ADCY2: variants seen among roughly 807,000 people sequenced by gnomAD.
The protein encoded by ADCY2 is adenylate cyclase type 2.
A neutral mutation model predicts 125.2 loss-of-function variants in ADCY2; 31 were observed. The ratio of observed to expected loss-of-function variants is 0.25; its 90% CI spans 0.19 to 0.33. ADCY2 has a LOEUF of 0.33. ADCY2 is among the 10% of genes least tolerant of loss of function. The probability of loss-of-function intolerance (pLI) is 1.00; values close to 1 mark genes in which losing one functional copy is unlikely to be tolerated. For missense variants in ADCY2, 904 were observed against 1,418.2 expected, an observed-to-expected ratio of 0.64 and a Z score of 5.82; for synonymous variants, 512 against 548.4, an observed-to-expected ratio of 0.93 and a Z score of 0.93.
intron 15 of ADCY2, 129 bp from the exon 16 acceptor site, chr5:7,757,319 AG>A: frequency 8.5e-7 from 1 of 1,174,814 alleles, no homozygotes; most frequent in Admixed American, 2.3e-5. Flanking sequence ...TCCCCAGGGG[AG>A]GATAGAATCT....
chr5:7,743,828 C>A, intron 15 of ADCY2, 76 bp downstream of exon 15: 1 of 1,416,082 alleles, frequency 7.1e-7, no homozygotes, highest in Non-Finnish European at 9.9e-7. Flanking sequence ...TAAAACTTTC[C>A]AAAACAAGGA....
At chr5:7,497,564 G>T (rs1315992262) in intron 2 of ADCY2, among the ~76,000 whole-genome samples, 1 of 151,934 alleles carries the variant, frequency 6.6e-6, no homozygotes, top group Non-Finnish European at 1.5e-5. Context: ...CATCAATAAG[G>T]AGAGCAAATG....
intron 3 of ADCY2, among the ~76,000 whole-genome samples, chr5:7,589,234 A>T (rs66623206): frequency 0.31 from 46,436 of 151,722 alleles, 7,235 homozygotes; most frequent in East Asian, 0.44. Context: ...CTGATTTTTT[A>T]AAGACTTTAG....
chr5:7,731,238 T>G (rs1742094480), intron 14 of ADCY2, among the ~76,000 whole-genome samples: 2 of 151,578 alleles, frequency 1.3e-5, no homozygotes, highest in African/African-American at 4.9e-5. Context: ...GAATTTTGTT[T>G]TGTTTTCCTT....
chr5:7,454,505 A>T (rs1403372463), intron 2 of ADCY2, among the ~76,000 whole-genome samples: 1 of 152,202 alleles, frequency 6.6e-6, no homozygotes, highest in Non-Finnish European at 1.5e-5. Context: ...AGATAAATTT[A>T]TCCTTGATTC....
At position 7,516,470 on chromosome 5, in the gene ADCY2, G is replaced by A. The variant is rs574043267; in HGVS notation, c.409-4268G>A. 2.6e-5 allele frequency among the ~76,000 whole-genome samples: 4 copies of A among 152,282 alleles called. No homozygotes were observed. The South Asian group carries it at 6.2e-4, about 24-fold the overall frequency. On this transcript the variant is annotated intron_variant, in intron 2 of 24. Transcript: ENST00000338316. ...TCACCACTCACATGAACACAGGTTT[G>A]TGTGGGTCAGCTGAGAGACTGTGCT...
intron 17 of ADCY2, among the ~76,000 whole-genome samples, chr5:7,769,607 C>G (rs1226275475): frequency 6.6e-6 from 1 of 152,094 alleles, no homozygotes; most frequent in Non-Finnish European, 1.5e-5. Flanking sequence ...TATTATTTCT[C>G]TAGTGGGAAA....
chr5:7,438,534 A>T (rs1740893454), intron 2 of ADCY2, among the ~76,000 whole-genome samples: 1 of 152,176 alleles, frequency 6.6e-6, no homozygotes, highest in Admixed American at 6.5e-5. Flanking sequence ...TCTACTATAA[A>T]GAGAGGGACT....
At position 7,743,955 on chromosome 5, in the gene ADCY2, T is replaced by C. The variant is rs115247322; in HGVS notation, c.1956+203T>C. 6.8e-3 allele frequency among the ~76,000 whole-genome samples: 1,042 copies of C among 152,300 alleles called. 5 individuals carry two copies. Among genetic ancestry groups the C allele is most frequent in the Non-Finnish European group, 0.011 (730 of 68,022 alleles). ...CTCATGCACAACCAAGACACGAATA[T>C]GAAGATGATTCAAAACGTTCGATGT... On this transcript the variant is annotated intron_variant, in intron 15 of 24. Transcript: ENST00000338316.
At chr5:7,613,969 AC>A (rs1737663460) in intron 3 of ADCY2, among the ~76,000 whole-genome samples, 1 of 152,254 alleles carries the variant, frequency 6.6e-6, no homozygotes, top group Non-Finnish European at 1.5e-5. Flanking sequence ...TTATGTGTAG[AC>A]AGAAGAGAAC....
chr5:7,733,098 G>A (rs1007999582), intron 14 of ADCY2, among the ~76,000 whole-genome samples: 1 of 152,102 alleles, frequency 6.6e-6, no homozygotes, highest in African/African-American at 2.4e-5. Flanking sequence ...AGTCATGAGG[G>A]CAATTGTTAA....
At chr5:7,532,157 C>T (rs1229894282) in intron 3 of ADCY2, among the ~76,000 whole-genome samples, 1 of 152,160 alleles carries the variant, frequency 6.6e-6, no homozygotes, top group African/African-American at 2.4e-5. Flanking sequence ...AACTATCATC[C>T]ATAGAGCAAA....
intron 22 of ADCY2, among the ~76,000 whole-genome samples, chr5:7,808,636 C>A (rs1744832610): frequency 6.6e-6 from 1 of 152,206 alleles, no homozygotes; most frequent in Admixed American, 6.5e-5. Context: ...CTGGGTGTAT[C>A]TGTCTGTCCA....
At chr5:7,494,626 C>T (rs1743282625) in intron 2 of ADCY2, among the ~76,000 whole-genome samples, 1 of 152,038 alleles carries the variant, frequency 6.6e-6, no homozygotes. Context: ...GGTGGGGGCT[C>T]AAGGCTAGTG....
chr5:7,757,541 G>A lies in ADCY2; in HGVS notation c.2049G>A (p.Thr683=), dbSNP rs535110709. ...GCCCCTGGCCACGGATCTCTCTCAC[G>A]ATCATCACCACAGCCATCATATTAA... The part of the protein sequence containing the change: ...ANRPWPRISL[T]IITTAIILMM... The change falls in exon 16 of 25, where the codon ACG becomes ACA. Residue 683 remains threonine, a synonymous_variant. Transcript: ENST00000338316. The A allele has an allele frequency of 1.9e-5, 30 of 1,607,690 alleles. No individual in the cohort carries two copies. The highest frequency in any genetic ancestry group is 2.3e-5 in the Non-Finnish European group (27 of 1,178,398).
chr5:7,398,102 G>C (rs868459324), intron 1 of ADCY2, among the ~76,000 whole-genome samples: 25 of 152,122 alleles, frequency 1.6e-4, no homozygotes, highest in African/African-American at 6.0e-4. Context: ...GTTCTGCTGG[G>C]GCATTTCAGC....
intron 2 of ADCY2, among the ~76,000 whole-genome samples, chr5:7,463,126 T>A (rs1741972301): frequency 6.6e-6 from 1 of 152,228 alleles, no homozygotes; most frequent in African/African-American, 2.4e-5. Context: ...CTTAAAAAAA[T>A]TGTTTGAATA....
At chr5:7,575,289 T>C (rs924265613) in intron 3 of ADCY2, among the ~76,000 whole-genome samples, 5 of 152,200 alleles carry the variant, frequency 3.3e-5, no homozygotes, top group Admixed American at 3.3e-4. Flanking sequence ...TTGGTGATTT[T>C]TTTTTCTTTT....
At chr5:7,475,538 C>T (rs940733711) in intron 2 of ADCY2, among the ~76,000 whole-genome samples, 1 of 152,118 alleles carries the variant, frequency 6.6e-6, no homozygotes, top group African/African-American at 2.4e-5. Context: ...CGCGCCAACA[C>T]GTCTGGCCAA....
Sources: gnomAD v4.1 joint callset for allele counts (sites outside exome capture counted in the v4.1 genomes callset) on GRCh38, gnomAD v4.1.1 for gene constraint, MANE v1.5 for transcripts, NCBI Gene and HGNC (gene_info 2026-07-23, HGNC 2026-07-21) for gene names.